Variants in SLC44A1 observed in about 807,000 individuals in gnomAD.
The protein encoded by SLC44A1 is solute carrier family 44 member 1.
SLC44A1 carries 26 observed loss-of-function variants against 79.3 expected under a neutral mutation model. The ratio of observed to expected loss-of-function variants is 0.33; its 90% CI spans 0.24 to 0.46. The LOEUF (loss-of-function observed/expected upper bound fraction) is 0.46, where lower values mean the gene tolerates loss of function less well. Ranked by LOEUF, SLC44A1 falls within the 20% of genes least tolerant of loss-of-function variation. The probability of loss-of-function intolerance (pLI) is 1.00; values close to 1 mark genes in which losing one functional copy is unlikely to be tolerated. For synonymous variants in SLC44A1, 263 were observed against 286.2 expected, an observed-to-expected ratio of 0.92 and a Z score of 0.82; for missense variants, 688 against 798.1, an observed-to-expected ratio of 0.86 and a Z score of 1.66.
intron 3 of SLC44A1, among the ~76,000 whole-genome samples, chr9:105,330,134 G>A (rs745951351): frequency 2.6e-5 from 4 of 152,160 alleles, no homozygotes; most frequent in Non-Finnish European, 5.9e-5. Context: ...TTCCTGTCAC[G>A]TGAGTGTTGC....
intron 1 of SLC44A1, among the ~76,000 whole-genome samples, chr9:105,276,217 G>T (rs1588722392): frequency 6.6e-6 from 1 of 152,164 alleles, no homozygotes; most frequent in Middle Eastern, 3.4e-3. Flanking sequence ...TCTTGAACAG[G>T]TTTTCACAGC....
intron 3 of SLC44A1, among the ~76,000 whole-genome samples, chr9:105,312,844 T>C (rs1831217212): frequency 6.6e-6 from 1 of 152,190 alleles, no homozygotes; most frequent in Admixed American, 6.5e-5. Flanking sequence ...GGTCGTCTTA[T>C]CTCTAATCTG....
chr9:105,351,221 A>G (rs911023961), intron 5 of SLC44A1, among the ~76,000 whole-genome samples: 5 of 152,330 alleles, frequency 3.3e-5, no homozygotes, highest in African/African-American at 4.8e-5. Flanking sequence ...TAATGATACA[A>G]TAATGTAGAG....
intron 1 of SLC44A1, among the ~76,000 whole-genome samples, chr9:105,274,687 G>A (rs1162339177): frequency 6.6e-6 from 1 of 152,166 alleles, no homozygotes; most frequent in Non-Finnish European, 1.5e-5. Flanking sequence ...AACAGTATGG[G>A]TAGAGTAAAT....
At position 105,286,849 on chromosome 9, in the gene SLC44A1, AACT is replaced by A. The variant is rs138013654; in HGVS notation, c.37-12367_37-12365del. Among the ~76,000 whole-genome samples, 1,284 of 152,298 alleles carry A rather than the reference AACT, an allele frequency of 8.4e-3. 4 individuals carry two copies. Among genetic ancestry groups the A allele is most frequent in the Middle Eastern group, 0.031 (9 of 294 alleles). ...TATAGCAGTGCATGCCTGTAGTCCT[AACT>A]ACTCAGGAGGCTAAGGTGGGAGGAT... is the stretch of plus-strand genomic sequence containing the variant. On this transcript the variant is annotated intron_variant, in intron 1 of 15. Transcript: ENST00000374720.
intron 3 of SLC44A1, among the ~76,000 whole-genome samples, chr9:105,332,118 C>CTTT (rs34173274): frequency 1.0e-4 from 13 of 128,222 alleles, no homozygotes; most frequent in South Asian, 2.5e-4. Context: ...TTCTTTGTTT[C>CTTT]TTTTTTTTTT....
At chr9:105,347,479 A>C (rs1827276239) in intron 4 of SLC44A1, among the ~76,000 whole-genome samples, 1 of 152,032 alleles carries the variant, frequency 6.6e-6, no homozygotes, top group African/African-American at 2.4e-5. Flanking sequence ...GGATCAGGAA[A>C]ATAAGATGTA....
intron 15 of SLC44A1, among the ~76,000 whole-genome samples, chr9:105,416,293 A>AT (rs1230670176): frequency 6.7e-6 from 1 of 149,732 alleles, no homozygotes; most frequent in South Asian, 2.1e-4. Flanking sequence ...TCCAGGCAAG[A>AT]TAAAAAAAAA....
chr9:105,295,687 T>C (rs975480150), intron 1 of SLC44A1, among the ~76,000 whole-genome samples: 7 of 152,200 alleles, frequency 4.6e-5, no homozygotes, highest in African/African-American at 1.7e-4. Flanking sequence ...AGGTTATTGC[T>C]TTTTACTAAC....
At chr9:105,269,046 A>T (rs764970499) in intron 1 of SLC44A1, among the ~76,000 whole-genome samples, 32 of 152,126 alleles carry the variant, frequency 2.1e-4, no homozygotes, top group Non-Finnish European at 2.8e-4. Flanking sequence ...AAAGCTGTTG[A>T]TTTTTGCCCA....
At position 105,390,942 on chromosome 9, in the gene SLC44A1, AATATAATT is replaced by A; in HGVS notation, c.*1893_*1900del. On this transcript the variant is annotated 3_prime_UTR_variant, in exon 16 of 16. Coordinates refer to ENST00000374720, the MANE Select transcript of SLC44A1 (RefSeq NM_080546.5). ...TGTTCTCTTTTATTCATTTGAAATG[AATATAATT>A]ATATAACTAACAATTGTCCAAATAG... 1.0e-6 allele frequency: 1 copy of A among 981,442 alleles called. No individual in the cohort carries two copies. Among genetic ancestry groups the A allele is most frequent in the Non-Finnish European group, 1.2e-6 (1 of 825,928 alleles). 60.8% of individuals were successfully genotyped at this position (981,442 alleles called of 1,614,324 possible).
intron 1 of SLC44A1, chr9:105,294,611 T>G (rs1016160693): frequency 6.6e-6 from 1 of 152,158 alleles, no homozygotes; most frequent in Non-Finnish European, 1.5e-5. Context: ...CTTTGTATCT[T>G]TGGCTTTCAA....
chr9:105,358,949 T>C (rs1262053957), intron 7 of SLC44A1, among the ~76,000 whole-genome samples: 13 of 152,206 alleles, frequency 8.5e-5, no homozygotes, highest in Admixed American at 1.3e-4. Flanking sequence ...ATGATATATG[T>C]TGAGTTCTTC....
At chr9:105,430,101 TC>T (rs1184553013) in intron 15 of SLC44A1, among the ~76,000 whole-genome samples, 1 of 152,102 alleles carries the variant, frequency 6.6e-6, no homozygotes, top group Non-Finnish European at 1.5e-5. Flanking sequence ...AGAGACATGG[TC>T]CCTCTATGTC....
At chr9:105,399,067 T>G (rs1157342012), downstream of SLC44A1, among the ~76,000 whole-genome samples, 1 of 152,236 alleles carries the variant, frequency 6.6e-6, no homozygotes, top group African/African-American at 2.4e-5. Context: ...CTACACATTG[T>G]TTTTTCACTT....
chr9:105,393,021 C>T lies in SLC44A1; in HGVS notation c.*3965C>T, dbSNP rs753878949. ...TGGAGGCTTATCAGTGCACCTGCCA[C>T]AGTTAATTTCTGTATTCTTTTCATA... On this transcript the variant is annotated 3_prime_UTR_variant, in exon 16 of 16. Coordinates refer to ENST00000374720, the MANE Select transcript of SLC44A1 (RefSeq NM_080546.5). The T allele has an allele frequency of 3.0e-6, 3 of 984,924 alleles. No homozygotes were observed. The highest frequency in any genetic ancestry group is 1.2e-4 in the Admixed American group (2 of 16,266). The allele number at this position is 984,924 out of a possible 1,614,324, so 61.0% of individuals were successfully genotyped here.
intron 1 of SLC44A1, among the ~76,000 whole-genome samples, chr9:105,255,093 GT>G (rs1168193382): frequency 1.4e-5 from 2 of 141,870 alleles, no homozygotes; most frequent in African/African-American, 5.4e-5. Context: ...TTACTTTCAG[GT>G]TTTTTTGTTT....
At chr9:105,353,589 A>G (rs1340855337) in intron 5 of SLC44A1, among the ~76,000 whole-genome samples, 1 of 152,148 alleles carries the variant, frequency 6.6e-6, no homozygotes, top group Non-Finnish European at 1.5e-5. Flanking sequence ...AGTAAGAGAG[A>G]GAGATGGAGT....
At chr9:105,382,429 CAG>C (rs1357888930) in intron 13 of SLC44A1, among the ~76,000 whole-genome samples, 3 of 152,148 alleles carry the variant, frequency 2.0e-5, no homozygotes, top group African/African-American at 4.8e-5. Context: ...TCTTTCTTCA[CAG>C]AGAGTCCAAA....
Sources: allele counts gnomAD v4.1 joint callset (sites outside exome capture counted in the v4.1 genomes callset), GRCh38; gene constraint gnomAD v4.1.1; transcripts MANE v1.5; gene names NCBI Gene and HGNC (gene_info 2026-07-23, HGNC 2026-07-21).